Variants in RAD23B observed in about 807,000 individuals in gnomAD.
The protein encoded by RAD23B is lysine-specific demethylase RAD23B.
RAD23B carries 5 observed loss-of-function variants against 49.1 expected under a neutral mutation model. The ratio of observed to expected loss-of-function variants is 0.10; its 90% CI spans 0.05 to 0.21. RAD23B has a LOEUF of 0.21. RAD23B is among the 10% of genes least tolerant of loss of function. The pLI, the probability that RAD23B is intolerant of heterozygous loss-of-function variation, is 1.00. For missense variants in RAD23B, 356 were observed against 486.7 expected, an observed-to-expected ratio of 0.73 and a Z score of 2.53; for synonymous variants, 184 against 165.4, an observed-to-expected ratio of 1.11 and a Z score of -0.86.
chr9:107,308,312 G>A (rs1041228964), intron 4 of RAD23B, among the ~76,000 whole-genome samples: 3 of 151,084 alleles, frequency 2.0e-5, no homozygotes, highest in African/African-American at 7.3e-5. Flanking sequence ...TCCACCTCCC[G>A]GGTTCAAGCG....
At chr9:107,287,936 C>G (rs1587845086) in intron 1 of RAD23B, among the ~76,000 whole-genome samples, 1 of 151,606 alleles carries the variant, frequency 6.6e-6, no homozygotes, top group East Asian at 1.9e-4. Context: ...TGAAGTATTC[C>G]TGTGGTGGTT....
Position 107,326,773 on chromosome 9 carries a change from A to G in RAD23B, c.1116+1769A>G, listed in dbSNP as rs1453693578. 3.3e-5 allele frequency among the ~76,000 whole-genome samples: 5 copies of G among 150,758 alleles called. No homozygotes were observed. In the East Asian group the frequency reaches 1.0e-3, roughly 30 times the overall value. On this transcript the variant is annotated intron_variant, in intron 9 of 9. Transcript: ENST00000358015. ...CTCAGCCTCCCGAGTAGCTGGGACC[A>G]CAGGCACCCGCCACCATGCCCGGCT...
At chr9:107,320,130 A>G (rs1162850665) in intron 6 of RAD23B, among the ~76,000 whole-genome samples, 1 of 152,218 alleles carries the variant, frequency 6.6e-6, no homozygotes. Flanking sequence ...TTATTTGCCT[A>G]TGCCTTTGCA....
In RAD23B at chr9:107,324,029, G is replaced by A. The variant is rs1827156019; in HGVS notation, c.945+12G>A. The A allele has an allele frequency of 3.7e-6, 6 of 1,612,208 alleles. No individual in the cohort carries two copies. Among genetic ancestry groups the A allele is most frequent in the South Asian group, 2.2e-5 (2 of 91,052 alleles). On this transcript the variant is annotated intron_variant, in intron 8 of 9. Coordinates refer to ENST00000358015, the MANE Select transcript of RAD23B (RefSeq NM_002874.5). ...CTCAATTACTTCAGGTGACTAATCA[G>A]TGTCAGTTTCACAAGTGATTTAGAG... is the stretch of plus-strand genomic sequence containing the variant.
intron 1 of RAD23B, among the ~76,000 whole-genome samples, chr9:107,285,856 T>C (rs1034207491): frequency 2.0e-5 from 3 of 152,236 alleles, no homozygotes; most frequent in Non-Finnish European, 4.4e-5. Flanking sequence ...TTAATGACTT[T>C]AGGAAATATT....
At chr9:107,296,394 C>G (rs1328592155) in intron 1 of RAD23B, among the ~76,000 whole-genome samples, 1 of 152,160 alleles carries the variant, frequency 6.6e-6, no homozygotes, top group Non-Finnish European at 1.5e-5. Flanking sequence ...AACAATCTTT[C>G]CAGTGTGATA....
chr9:107,309,028 C>G (rs1462616533), intron 4 of RAD23B, among the ~76,000 whole-genome samples: 2 of 152,206 alleles, frequency 1.3e-5, no homozygotes, highest in African/African-American at 4.8e-5. Context: ...CTGAGAGAAA[C>G]TGCACTTGTG....
chr9:107,293,902 GC>G (rs1246906271), intron 1 of RAD23B, among the ~76,000 whole-genome samples: 1 of 152,170 alleles, frequency 6.6e-6, no homozygotes, highest in Middle Eastern at 3.2e-3. Context: ...TTTCACGTCA[GC>G]CTCCTGAGGT....
intron 4 of RAD23B, among the ~76,000 whole-genome samples, chr9:107,309,047 T>C (rs1826837880): frequency 6.6e-6 from 1 of 152,224 alleles, no homozygotes; most frequent in Non-Finnish European, 1.5e-5. Flanking sequence ...TGCACATGAC[T>C]GTATTGTTTG....
chr9:107,301,282 A>G (rs990375911), intron 2 of RAD23B, among the ~76,000 whole-genome samples: 1 of 152,202 alleles, frequency 6.6e-6, no homozygotes, highest in Non-Finnish European at 1.5e-5. Context: ...TTTATCAGAT[A>G]TCAGTATTTT....
intron 9 of RAD23B, among the ~76,000 whole-genome samples, chr9:107,325,253 G>T (rs1827183116): frequency 7.1e-6 from 1 of 140,854 alleles, no homozygotes. Context: ...GGTGGAGGTT[G>T]CTGTGAGCCG....
intron 1 of RAD23B, among the ~76,000 whole-genome samples, chr9:107,289,957 T>TTAAGGAACTTAAGTTCATGAGCAC (rs1420550186): frequency 6.6e-6 from 1 of 152,124 alleles, no homozygotes; most frequent in African/African-American, 2.4e-5. Flanking sequence ...TTTATGAACA[T>TTAAGGAACTTAAGTTCATGAGCAC]TAAGGAACTT....
intron 3 of RAD23B, among the ~76,000 whole-genome samples, chr9:107,304,951 T>C (rs138619275): frequency 3.3e-5 from 5 of 152,334 alleles, no homozygotes; most frequent in African/African-American, 1.2e-4. Flanking sequence ...GTTTTATATG[T>C]TACATGTATG....
chr9:107,321,099 C>T (rs911373477), intron 6 of RAD23B, among the ~76,000 whole-genome samples: 4 of 152,072 alleles, frequency 2.6e-5, no homozygotes, highest in Admixed American at 2.0e-4. Flanking sequence ...TTAGTGCATG[C>T]AGTTTTAAGC....
intron 5 of RAD23B, among the ~76,000 whole-genome samples, chr9:107,314,045 GTTCAGGTCCTTAT>G (rs1286377923): frequency 1.3e-5 from 2 of 151,684 alleles, no homozygotes; most frequent in Non-Finnish European, 2.9e-5. Flanking sequence ...AGTTGCCTTA[GTTCAGGTCCTTAT>G]TTCACTTGTA....
chr9:107,290,245 G>T lies in RAD23B; in HGVS notation c.66+6550G>T, dbSNP rs534018441. Among the ~76,000 whole-genome samples the T allele has an allele frequency of 2.6e-5, 4 of 152,242 alleles. No homozygotes were observed. In the East Asian group the frequency reaches 7.7e-4, roughly 29 times the overall value. ...CTGTAGATAGTTCTGAATTGTGGGC[G>T]GTGCTATCTAAGGCAGGTCCTTCCA... On this transcript the variant is annotated intron_variant, in intron 1 of 9. Transcript: ENST00000358015.
At position 107,329,540 on chromosome 9, in the gene RAD23B, C is replaced by A; in HGVS notation, c.1117-3C>A. ...ATTTATATTTTTTTCCTTTTTCTTC[C>A]AGTTAAAGGCATTAGGATTTCCTGA... On this transcript the variant is annotated splice_region_variant and splice_polypyrimidine_tract_variant and intron_variant, in intron 9 of 9. Coordinates refer to ENST00000358015, the MANE Select transcript of RAD23B (RefSeq NM_002874.5). The A allele has an allele frequency of 1.3e-6, 2 of 1,565,428 alleles. No homozygotes were observed. The highest frequency in any genetic ancestry group is 8.7e-7 in the Non-Finnish European group (1 of 1,146,620).
chr9:107,297,799 GT>G (rs1256365189), intron 1 of RAD23B, among the ~76,000 whole-genome samples: 1 of 150,210 alleles, frequency 6.7e-6, no homozygotes, highest in Admixed American at 6.7e-5. Context: ...AGAGAGTCCC[GT>G]TACTTATTTA....
chr9:107,310,419 A>G (rs1042310205), intron 4 of RAD23B, among the ~76,000 whole-genome samples: 2 of 152,226 alleles, frequency 1.3e-5, no homozygotes, highest in Non-Finnish European at 2.9e-5. Flanking sequence ...ACATTGCTTA[A>G]TAAGAGCTTG....
Sources: gnomAD v4.1 joint callset for allele counts (sites outside exome capture counted in the v4.1 genomes callset) on GRCh38, gnomAD v4.1.1 for gene constraint, MANE v1.5 for transcripts, NCBI Gene and HGNC (gene_info 2026-07-23, HGNC 2026-07-21) for gene names.